ARL15: variants seen among roughly 807,000 people sequenced by gnomAD.
ARL15 encodes the protein ADP-ribosylation factor-like protein 15.
In ARL15, 19 loss-of-function variants were observed where a neutral mutation model predicts 25.2. The observed-to-expected ratio is 0.75, with a 90% CI of 0.53 to 1.10. The LOEUF (loss-of-function observed/expected upper bound fraction) is 1.10. Among genes scored for constraint, ARL15 ranks in the 50% least tolerant of loss-of-function variants. The pLI, the probability that ARL15 is intolerant of heterozygous loss-of-function variation, is 0.00. For missense variants in ARL15, 220 were observed against 246.0 expected (o/e 0.89, Z 0.71); for synonymous variants, 94 against 86.8 (o/e 1.08, Z -0.46).
At chr5:54,184,579 C>G (rs1755180640) in intron 1 of ARL15, among the ~76,000 whole-genome samples, 1 of 145,800 alleles carries the variant, frequency 6.9e-6, no homozygotes, top group African/African-American at 2.5e-5. Flanking sequence ...TTTCCATTCA[C>G]TGTGCTTTTG....
At chr5:54,301,627 T>C (rs1758617865) in intron 1 of ARL15, among the ~76,000 whole-genome samples, 1 of 152,200 alleles carries the variant, frequency 6.6e-6, no homozygotes, top group Non-Finnish European at 1.5e-5. Flanking sequence ...CTGAAAGAAT[T>C]ATATTTCTGT....
intron 4 of ARL15, among the ~76,000 whole-genome samples, chr5:53,992,908 T>C (rs1375886535): frequency 2.0e-5 from 3 of 152,090 alleles, no homozygotes; most frequent in Non-Finnish European, 4.4e-5. Context: ...TAGCTGGGCG[T>C]AGTGGCGCAT....
intron 1 of ARL15, among the ~76,000 whole-genome samples, chr5:54,309,615 G>C (rs1369835725): frequency 6.6e-6 from 1 of 152,192 alleles, no homozygotes; most frequent in Non-Finnish European, 1.5e-5. Flanking sequence ...CTGTAAATGA[G>C]GATCCCCTTA....
intron 1 of ARL15, among the ~76,000 whole-genome samples, chr5:54,279,261 T>C (rs1001168579): frequency 2.2e-4 from 34 of 151,854 alleles, no homozygotes; most frequent in Non-Finnish European, 2.9e-5. Context: ...AAGAATTTTT[T>C]TTTTCTCCTC....
intron 4 of ARL15, among the ~76,000 whole-genome samples, chr5:54,023,420 A>G (rs1396875490): frequency 6.6e-6 from 1 of 152,232 alleles, no homozygotes; most frequent in Non-Finnish European, 1.5e-5. Context: ...AAAGCAAAAA[A>G]TGAAATGGCA....
Position 54,114,417 on chromosome 5 carries a change from A to AAAAATAAAAAAT in ARL15, c.254-1008_254-1007insATTTTTTATTTT, listed in dbSNP as rs1554041184. On this transcript the variant is annotated intron_variant, in intron 3 of 4. Coordinates refer to ENST00000504924, the MANE Select transcript of ARL15 (RefSeq NM_019087.3). ...AGGCTCCATCTCAAGAAAAAAAAAA[A>AAAAATAAAAAAT]AAAAAGCAACACCACATGGAGAGTC... Among the ~76,000 whole-genome samples the AAAAATAAAAAAT allele has an allele frequency of 1.3e-4, 19 of 148,964 alleles. 3 individuals carry two copies. Among genetic ancestry groups the AAAAATAAAAAAT allele is most frequent in the Non-Finnish European group, 2.1e-4 (14 of 67,250 alleles).
intron 4 of ARL15, among the ~76,000 whole-genome samples, chr5:54,039,644 A>C (rs145729249): frequency 2.0e-5 from 3 of 151,798 alleles, no homozygotes; most frequent in Admixed American, 2.0e-4. Flanking sequence ...CTACTAAAAA[A>C]CTACAAAAAT....
At chr5:53,935,313 G>A (rs760872352) in intron 4 of ARL15, among the ~76,000 whole-genome samples, 27 of 152,140 alleles carry the variant, frequency 1.8e-4, no homozygotes, top group Admixed American at 1.2e-3. Flanking sequence ...CTGCCAACAA[G>A]CAGATACATG....
intron 4 of ARL15, among the ~76,000 whole-genome samples, chr5:53,894,213 A>T (rs1032573659): frequency 6.6e-6 from 1 of 152,242 alleles, no homozygotes; most frequent in Admixed American, 6.5e-5. Flanking sequence ...CTACCTGAAT[A>T]ATTGAAAACC....
chr5:54,158,737 G>T (rs1391189814), intron 2 of ARL15, among the ~76,000 whole-genome samples: 1 of 152,170 alleles, frequency 6.6e-6, no homozygotes, highest in Admixed American at 6.5e-5. Flanking sequence ...GCTGGGCGTG[G>T]TGGCAGATGC....
At chr5:54,266,330 T>A (rs1192217931) in intron 1 of ARL15, among the ~76,000 whole-genome samples, 1 of 152,170 alleles carries the variant, frequency 6.6e-6, no homozygotes, top group East Asian at 1.9e-4. Flanking sequence ...CTGCCTGCTT[T>A]GTAGGCAAAG....
At chr5:54,269,224 GAATAAAATAA>G (rs200457189) in intron 1 of ARL15, among the ~76,000 whole-genome samples, 2 of 151,630 alleles carry the variant, frequency 1.3e-5, no homozygotes, top group Non-Finnish European at 2.9e-5. Context: ...AGTATAATAA[GAATAAAATAA>G]AATAAAATAA....
At chr5:54,301,840 G>C (rs993580896) in intron 1 of ARL15, among the ~76,000 whole-genome samples, 1 of 152,204 alleles carries the variant, frequency 6.6e-6, no homozygotes, top group Non-Finnish European at 1.5e-5. Flanking sequence ...AGTGGGATAA[G>C]TCCTCAACTC....
At chr5:54,076,667 T>G (rs1751619581) in intron 4 of ARL15, among the ~76,000 whole-genome samples, 1 of 152,198 alleles carries the variant, frequency 6.6e-6, no homozygotes, top group South Asian at 2.1e-4. Flanking sequence ...CATTTTTAGC[T>G]GACATCTCGT....
At chr5:54,129,600 C>A (rs1753372339) in intron 3 of ARL15, among the ~76,000 whole-genome samples, 1 of 152,136 alleles carries the variant, frequency 6.6e-6, no homozygotes, top group Non-Finnish European at 1.5e-5. Flanking sequence ...ATGCAATAGC[C>A]ACCCACTTTC....
chr5:54,203,233 G>A (rs187235102), intron 1 of ARL15, among the ~76,000 whole-genome samples: 9 of 151,964 alleles, frequency 5.9e-5, no homozygotes, highest in East Asian at 1.9e-4. Flanking sequence ...GACACAAATC[G>A]GCTTTAATAC....
chr5:54,299,627 G>A (rs1055018780), intron 1 of ARL15, among the ~76,000 whole-genome samples: 2 of 110,618 alleles, frequency 1.8e-5, no homozygotes, highest in Admixed American at 2.9e-4. Flanking sequence ...GTCTCGCTCT[G>A]TCGCCAGGCT....
chr5:53,958,279 G>T (rs1430941784), intron 4 of ARL15, among the ~76,000 whole-genome samples: 1 of 151,906 alleles, frequency 6.6e-6, no homozygotes, highest in African/African-American at 2.4e-5. Flanking sequence ...TAATTTATGA[G>T]AACAACATAA....
rs190050103 is a variant in ARL15, at chr5:53,888,994, G to A, written c.463-2281C>T. On this transcript the variant is annotated intron_variant, in intron 4 of 4. Coordinates refer to ENST00000504924, the MANE Select transcript of ARL15 (RefSeq NM_019087.3). The stretch of plus-strand genomic sequence containing the variant: ...TCAATAATGCTTCCCATCAGATGAA[G>A]TATGCAACATCCAAAATCTAGTACA... 3.9e-5 allele frequency among the ~76,000 whole-genome samples: 6 copies of A among 152,240 alleles called. No individual in the cohort carries two copies. In the East Asian group the frequency reaches 9.7e-4, roughly 25 times the overall value.
Sources: allele counts gnomAD v4.1 joint callset (sites outside exome capture counted in the v4.1 genomes callset), GRCh38; gene constraint gnomAD v4.1.1; transcripts MANE v1.5; gene names NCBI Gene and HGNC (gene_info 2026-07-23, HGNC 2026-07-21).